Variants in FKBP11 observed in about 807,000 individuals in gnomAD.
FKBP11 encodes peptidyl-prolyl cis-trans isomerase FKBP11.
A neutral mutation model predicts 24.7 loss-of-function variants in FKBP11; 21 were observed. That is an observed-to-expected ratio of 0.85 (90% CI 0.60 to 1.23). The LOEUF (loss-of-function observed/expected upper bound fraction) is 1.23, where lower values mean the gene tolerates loss of function less well. Ranked by LOEUF, FKBP11 falls within the 50% of genes most tolerant of loss-of-function variation. FKBP11 has a pLI of 0.00. For synonymous variants in FKBP11, 106 were observed against 100.6 expected (o/e 1.05, Z -0.32); for missense variants, 245 against 248.7 (o/e 0.99, Z 0.10).
upstream of FKBP11, among the ~76,000 whole-genome samples, chr12:48,929,695 T>C (rs896901281): frequency 2.6e-5 from 4 of 152,202 alleles, no homozygotes; most frequent in Non-Finnish European, 5.9e-5. Flanking sequence ...AACCTCATGT[T>C]TCTCATTTCT....
At chr12:48,937,229 G>T in the FKBP11 span, 1 of 152,244 alleles carries the variant, frequency 6.6e-6, no homozygotes, top group South Asian at 2.1e-4. Flanking sequence ...AGGAAACCTG[G>T]CCCCATGGAG....
rs149689172 is a variant in FKBP11, at chr12:48,925,085, C to A, written c.156G>T (p.Glu52Asp). Reference sequence around the variant, plus strand: ...GAAGCGTGTCTCCAAAAGCAGCGGGCTCGGCACATGGTTCTGGGGGCTCCA... The same window carrying A: ...GAAGCGTGTCTCCAAAAGCAGCGGGATCGGCACATGGTTCTGGGGGCTCCA... ...TLVEPPEPCA[E>D]PAAFGDTLHI... is the part of the protein sequence containing the mutation. Residue 52 changes from glutamate (E) to aspartate (D), a missense_variant, in exon 2 of 6, where the codon GAG becomes GAT. Physicochemically the swap from Glu to Asp is conservative, Grantham distance 45. Coordinates refer to ENST00000550765, the MANE Select transcript of FKBP11 (RefSeq NM_016594.3). The A allele has an allele frequency of 1.2e-6, 2 of 1,610,760 alleles. No homozygotes were observed.
At chr12:48,932,227 T>TTTTATATATATATATATATATA in the FKBP11 span, among the ~76,000 whole-genome samples, 1 of 37,734 alleles carries the variant, frequency 2.7e-5, no homozygotes, top group African/African-American at 1.2e-4. Flanking sequence ...AAACATATAT[T>TTTTATATATATATATATATATA]TATATATATA....
At chr12:48,935,959 G>A in the FKBP11 span, 1 of 152,234 alleles carries the variant, frequency 6.6e-6, no homozygotes, top group South Asian at 2.1e-4. Flanking sequence ...GGAAAGTCAC[G>A]AAGCCCTCAC....
At chr12:48,924,757 C>T in intron 2 of FKBP11, 109 bp from the exon 3 acceptor site, 1 of 1,535,694 alleles carries the variant, frequency 6.5e-7, no homozygotes, top group East Asian at 2.4e-5. Flanking sequence ...AGTGCGGCAG[C>T]CTAGCGTTCC....
At chr12:48,925,711 C>A, upstream of FKBP11, 1 of 476,644 alleles carries the variant, frequency 2.1e-6, no homozygotes, top group South Asian at 3.1e-5. Flanking sequence ...CAATAGCACC[C>A]ATTTACGATT....
chr12:48,931,523 TAGG>T, the FKBP11 span: 1 of 1,496,508 alleles, frequency 6.7e-7, no homozygotes, highest in East Asian at 2.5e-5. Context: ...CTTGGAAAGA[TAGG>T]AGAGTTGGCC....
the FKBP11 span, among the ~76,000 whole-genome samples, chr12:48,935,018 C>CAAAAAAAAAA: frequency 1.1e-5 from 1 of 87,532 alleles, no homozygotes; most frequent in African/African-American, 4.8e-5. Flanking sequence ...AATTCCGTCT[C>CAAAAAAAAAA]AAAAAAAAAA....
upstream of FKBP11, chr12:48,931,349 A>G: frequency 7.3e-7 from 1 of 1,367,580 alleles, no homozygotes; most frequent in Admixed American, 2.0e-5. Context: ...AGAGGAGTGG[A>G]GTAGGAGAAG....
At chr12:48,924,140 C>G in intron 4 of FKBP11, 83 bp downstream of exon 4, 2 of 1,528,528 alleles carry the variant, frequency 1.3e-6, no homozygotes, top group Non-Finnish European at 1.8e-6. Context: ...TCCACATTCT[C>G]CTGCTTAAGG....
upstream of FKBP11, among the ~76,000 whole-genome samples, chr12:48,929,040 G>A (rs1940016970): frequency 6.7e-6 from 1 of 148,930 alleles, no homozygotes; most frequent in Non-Finnish European, 1.5e-5. Flanking sequence ...TGTTAGCCAG[G>A]ATGGTCTCGA....
At position 48,924,554 on chromosome 12, in the gene FKBP11, C is replaced by T; in HGVS notation, c.283+7G>A. The T allele has an allele frequency of 6.2e-7, 1 of 1,612,740 alleles. No individual in the cohort carries two copies. Among genetic ancestry groups the T allele is most frequent in the Non-Finnish European group, 8.5e-7 (1 of 1,178,770 alleles). Reference sequence around the variant, plus strand: ...AAGAGGTGGAATGGGAGGCACAGGTCACATACCTGGAATCACCTGCTTTTG... The same window carrying T: ...AAGAGGTGGAATGGGAGGCACAGGTTACATACCTGGAATCACCTGCTTTTG... On this transcript the variant is annotated splice_region_variant and intron_variant, in intron 3 of 5. Transcript: ENST00000550765.
At chr12:48,927,460 CTG>C (rs1939993248), upstream of FKBP11, among the ~76,000 whole-genome samples, 1 of 152,186 alleles carries the variant, frequency 6.6e-6, no homozygotes, top group South Asian at 2.1e-4. Context: ...ACTTATCAAA[CTG>C]TATACTTACA....
At chr12:48,926,540 T>TTTTTGAAG (rs1939970678), upstream of FKBP11, 1 of 144,198 alleles carries the variant, frequency 6.9e-6, no homozygotes, top group African/African-American at 2.6e-5. Flanking sequence ...TTTTTTTTTT[T>TTTTTGAAG]GAGGGGGAGG....
At chr12:48,924,134 C>G in intron 4 of FKBP11, 89 bp downstream of exon 4, 2 of 1,495,484 alleles carry the variant, frequency 1.3e-6, no homozygotes, top group Non-Finnish European at 1.9e-6. Context: ...CTTTATTCCA[C>G]ATTCTCCTGC....
chr12:48,932,720 A>G, the FKBP11 span, among the ~76,000 whole-genome samples: 24 of 152,242 alleles, frequency 1.6e-4, 1 homozygote, highest in South Asian at 1.7e-3. Context: ...AAGTCCTTCT[A>G]TTCAATTCTG....
In FKBP11 at chr12:48,924,410, T is replaced by C. The variant is rs1939905693; in HGVS notation, c.283+151A>G. 8 of 1,164,674 alleles carry C rather than the reference T, an allele frequency of 6.9e-6. No individual in the cohort carries two copies. The East Asian group carries it at 1.2e-4, about 18-fold the overall frequency. 72.1% of individuals were successfully genotyped at this position (1,164,674 alleles called of 1,614,324 possible). ...ATAGGATATGGGACAAGTGGAGTAC[T>C]AGAAGTGAGGTTTGAACCTCAGGAG... On this transcript the variant is annotated intron_variant, in intron 3 of 5. Coordinates refer to ENST00000550765, the MANE Select transcript of FKBP11 (RefSeq NM_016594.3).
chr12:48,933,295 C>T, the FKBP11 span, among the ~76,000 whole-genome samples: 6 of 152,144 alleles, frequency 3.9e-5, no homozygotes, highest in Non-Finnish European at 7.4e-5. Context: ...GGCGGGCATC[C>T]GGATCCTATC....
chr12:48,923,542 C>T (rs2137554482), intron 5 of FKBP11: 2 of 1,551,534 alleles, frequency 1.3e-6, no homozygotes, highest in South Asian at 2.4e-5. Flanking sequence ...CAGGTCTCTT[C>T]CCTAACAAGT....
Sources: gnomAD v4.1 joint callset for allele counts (sites outside exome capture counted in the v4.1 genomes callset) on GRCh38, gnomAD v4.1.1 for gene constraint, MANE v1.5 for transcripts, NCBI Gene and HGNC (gene_info 2026-07-23, HGNC 2026-07-21) for gene names.